ADAM17: variants seen among roughly 807,000 people sequenced by gnomAD.
ADAM17 encodes ADAM metallopeptidase domain 17.
In ADAM17, 39 loss-of-function variants were observed where a neutral mutation model predicts 96.7. The observed-to-expected ratio is 0.40, with a 90% CI of 0.31 to 0.53. The LOEUF (loss-of-function observed/expected upper bound fraction) is 0.53, where lower values mean the gene tolerates loss of function less well. Among genes scored for constraint, ADAM17 ranks in the 20% least tolerant of loss-of-function variants. The pLI is 0.44. For synonymous variants in ADAM17, 344 were observed against 359.2 expected (o/e 0.96, Z 0.48); for missense variants, 777 against 1,013.2 (o/e 0.77, Z 3.17).
chr2:9,493,010 A>G (rs929033186), intron 16 of ADAM17, 24 bp from the exon 17 acceptor site: 5 of 1,573,480 alleles, frequency 3.2e-6, no homozygotes, highest in Middle Eastern at 1.7e-4. Context: ...CAAACAGTTA[A>G]TGTCTTGACC....
intron 18 of ADAM17, 30 bp from the exon 19 acceptor site, chr2:9,490,548 A>G: frequency 1.3e-6 from 2 of 1,585,260 alleles, no homozygotes; most frequent in East Asian, 2.3e-5. Context: ...ATTGATTGAT[A>G]GGAATAAAAG....
intron 14 of ADAM17, chr2:9,496,314 G>C (rs898077399): frequency 8.6e-5 from 13 of 151,762 alleles, no homozygotes; most frequent in Non-Finnish European, 1.5e-4. Context: ...ATTTTTAGTA[G>C]AGACAGCGTT....
chr2:9,552,738 A>G (rs555556864), intron 1 of ADAM17, among the ~76,000 whole-genome samples: 1 of 152,344 alleles, frequency 6.6e-6, no homozygotes, highest in South Asian at 2.1e-4. Flanking sequence ...TGCAACTTCA[A>G]CAAGATATCA....
intron 4 of ADAM17, 107 bp downstream of exon 4, chr2:9,535,727 G>A (rs375835061): frequency 6.6e-6 from 4 of 603,874 alleles, no homozygotes; most frequent in South Asian, 3.4e-5. Flanking sequence ...CTTCAAATAC[G>A]AAGAGGAAAG....
intron 4 of ADAM17, 78 bp from the exon 5 acceptor site, chr2:9,528,032 CTT>C: frequency 9.9e-7 from 1 of 1,013,198 alleles, no homozygotes; most frequent in South Asian, 2.7e-5. Flanking sequence ...ACATTCTTTG[CTT>C]GTTCTTAGAT....
intron 1 of ADAM17, among the ~76,000 whole-genome samples, chr2:9,553,082 C>A (rs1172030295): frequency 6.6e-6 from 1 of 152,112 alleles, no homozygotes; most frequent in Non-Finnish European, 1.5e-5. Context: ...AAAAAAAAGT[C>A]ATTCTTCAAA....
intron 1 of ADAM17, 141 bp downstream of exon 1, chr2:9,555,368 C>A: frequency 1.6e-6 from 1 of 624,090 alleles, no homozygotes; most frequent in Admixed American, 3.2e-5. Flanking sequence ...AGAGCCACAC[C>A]CCCTTCTACA....
chr2:9,555,641 C>A lies in ADAM17; in HGVS notation c.-36G>T, dbSNP rs139691809. 7.1e-4 allele frequency: 1,062 copies of A among 1,498,856 alleles called. 15 individuals carry two copies. In the Admixed American group the frequency reaches 0.02, roughly 29 times the overall value. The allele number at this position is 1,498,856 out of a possible 1,614,324, so 92.8% of individuals were successfully genotyped here. ...CCGCTACCGACTCCACCTCTCTGGGCAGCCTTCGCCTGACGGGGTTTCGGA... is the reference window on the plus strand; with the variant it reads ...CCGCTACCGACTCCACCTCTCTGGGAAGCCTTCGCCTGACGGGGTTTCGGA... On this transcript the variant is annotated 5_prime_UTR_variant, in exon 1 of 19. Coordinates refer to ENST00000310823, the MANE Select transcript of ADAM17 (RefSeq NM_003183.6).
intron 7 of ADAM17, among the ~76,000 whole-genome samples, chr2:9,522,829 G>A (rs992002637): frequency 3.3e-5 from 5 of 152,070 alleles, no homozygotes; most frequent in African/African-American, 1.2e-4. Flanking sequence ...ATATCTGAGA[G>A]GAAAGAACCT....
Position 9,555,691 on chromosome 2 carries a change from G to C in ADAM17, c.-86C>G. 1 of 1,162,232 alleles carries C rather than the reference G, an allele frequency of 8.6e-7. No individual in the cohort carries two copies. The highest frequency in any genetic ancestry group is 1.2e-6 in the Non-Finnish European group (1 of 840,312). 72.0% of individuals were successfully genotyped at this position (1,162,232 alleles called of 1,614,324 possible). ...AAAACTGCTCACATCGGGGGAGGACGGGATCCGCCCGGCCTAGCCCCTCAA... is the reference window on the plus strand; with the variant it reads ...AAAACTGCTCACATCGGGGGAGGACCGGATCCGCCCGGCCTAGCCCCTCAA... On this transcript the variant is annotated 5_prime_UTR_variant, in exon 1 of 19. Transcript: ENST00000310823.
chr2:9,515,111 T>C (rs59122667), intron 10 of ADAM17, among the ~76,000 whole-genome samples: 9,758 of 152,226 alleles, frequency 0.064, 1,104 homozygotes, highest in African/African-American at 0.22. Context: ...TAATGTCTTA[T>C]ACTGACTGTT....
chr2:9,509,743 A>C (rs1473114647), intron 11 of ADAM17, among the ~76,000 whole-genome samples: 1 of 152,030 alleles, frequency 6.6e-6, no homozygotes, highest in Admixed American at 6.6e-5. Context: ...AATTTTTCCT[A>C]GAGCTCAAAT....
rs1491190924 is a variant in ADAM17, at chr2:9,489,648, T to TG, written c.*528dup. On this transcript the variant is annotated 3_prime_UTR_variant, in exon 19 of 19. Coordinates refer to ENST00000310823, the MANE Select transcript of ADAM17 (RefSeq NM_003183.6). ...TATTTTCCCTGCTACATAAAAACTCTGGGTAATAACTAGAAATAGACCCAC... is the reference window on the plus strand; with the variant it reads ...TATTTTCCCTGCTACATAAAAACTCTGGGGTAATAACTAGAAATAGACCCAC... 2 of 147,900 alleles carry TG rather than the reference T, an allele frequency of 1.4e-5. No individual in the cohort carries two copies. The highest frequency in any genetic ancestry group is 2.5e-5 in the African/African-American group (1 of 39,496). 9.2% of individuals were successfully genotyped at this position (147,900 alleles called of 1,614,324 possible).
chr2:9,545,316 C>G (rs1665362892), intron 1 of ADAM17, among the ~76,000 whole-genome samples: 1 of 152,176 alleles, frequency 6.6e-6, no homozygotes, highest in Non-Finnish European at 1.5e-5. Flanking sequence ...CACTTGTAAT[C>G]CCAGCACTTG....
intron 5 of ADAM17, 89 bp downstream of exon 5, chr2:9,527,697 T>A: frequency 1.1e-6 from 1 of 892,532 alleles, no homozygotes; most frequent in Non-Finnish European, 1.6e-6. Flanking sequence ...TTGACAATCA[T>A]GTTATTTTTT....
At chr2:9,550,644 C>T (rs1388249541) in intron 1 of ADAM17, among the ~76,000 whole-genome samples, 2 of 151,622 alleles carry the variant, frequency 1.3e-5, no homozygotes, top group South Asian at 2.1e-4. Context: ...CAGGTTTCAC[C>T]ATGTTGGTCA....
intron 15 of ADAM17, 33 bp downstream of exon 15, chr2:9,494,604 C>G (rs764604434): frequency 8.7e-6 from 14 of 1,607,598 alleles, no homozygotes; most frequent in Non-Finnish European, 1.2e-5. Flanking sequence ...TCCTATCTGG[C>G]TGTTACAGAA....
intron 5 of ADAM17, among the ~76,000 whole-genome samples, chr2:9,526,547 G>GC (rs1044693704): frequency 1.3e-4 from 20 of 151,984 alleles, no homozygotes; most frequent in African/African-American, 4.6e-4. Context: ...TGTAATCCCA[G>GC]CACTTTGCGA....
intron 2 of ADAM17, among the ~76,000 whole-genome samples, chr2:9,538,750 C>T (rs544219732): frequency 6.0e-4 from 92 of 152,256 alleles, no homozygotes; most frequent in African/African-American, 2.2e-3. Context: ...TATAAAACGT[C>T]CAACAGAATG....
Sources: gnomAD v4.1 joint callset for allele counts (sites outside exome capture counted in the v4.1 genomes callset) on GRCh38, gnomAD v4.1.1 for gene constraint, MANE v1.5 for transcripts, NCBI Gene and HGNC (gene_info 2026-07-23, HGNC 2026-07-21) for gene names.